DHX40: variants seen among roughly 807,000 people sequenced by gnomAD.
The protein encoded by DHX40 is probable ATP-dependent RNA helicase DHX40.
Under a neutral mutation model 89.6 loss-of-function variants are expected in DHX40, and 28 were observed. The ratio of observed to expected loss-of-function variants is 0.31; its 90% CI spans 0.23 to 0.43. The LOEUF (loss-of-function observed/expected upper bound fraction) is 0.43. Ranked by LOEUF, DHX40 falls within the 20% of genes least tolerant of loss-of-function variation. The probability of loss-of-function intolerance (pLI) is 1.00; values close to 1 mark genes in which losing one functional copy is unlikely to be tolerated. For synonymous variants in DHX40, 226 were observed against 283.6 expected (o/e 0.80, Z 2.04); for missense variants, 457 against 844.0 (o/e 0.54, Z 5.68).
At chr17:59,573,319 C>G in intron 4 of DHX40, 84 bp downstream of exon 4, 1 of 1,169,472 alleles carries the variant, frequency 8.6e-7, no homozygotes, top group Non-Finnish European at 1.2e-6. Context: ...ATTGCCTCCT[C>G]TTACTTTTTA....
chr17:59,570,300 TTATATA>T (rs889411780), intron 2 of DHX40, among the ~76,000 whole-genome samples: 1 of 136,152 alleles, frequency 7.3e-6, no homozygotes, highest in African/African-American at 2.8e-5. Context: ...TATTTATATA[TTATATA>T]TATAATATAT....
At chr17:59,597,870 G>C (rs1238312946) in intron 12 of DHX40, among the ~76,000 whole-genome samples, 8 of 150,238 alleles carry the variant, frequency 5.3e-5, no homozygotes, top group Non-Finnish European at 7.4e-5. Context: ...GGGAGGCGGA[G>C]CTTGCAGTGA....
intron 12 of DHX40, among the ~76,000 whole-genome samples, chr17:59,596,662 A>T (rs551177474): frequency 6.6e-6 from 1 of 152,334 alleles, no homozygotes; most frequent in South Asian, 2.1e-4. Context: ...GGTCATTTGT[A>T]TGTTTGTATG....
At chr17:59,586,028 T>G in intron 10 of DHX40, 125 bp from the exon 11 acceptor site, 1 of 730,630 alleles carries the variant, frequency 1.4e-6, no homozygotes, top group Non-Finnish European at 2.3e-6. Flanking sequence ...TAATTTTTTT[T>G]TAGAAAAAGA....
At chr17:59,596,391 A>AC (rs1047142116) in intron 12 of DHX40, among the ~76,000 whole-genome samples, 2 of 152,178 alleles carry the variant, frequency 1.3e-5, no homozygotes, top group Non-Finnish European at 2.9e-5. Flanking sequence ...ACATGGTGAA[A>AC]CCCCATCTCT....
Position 59,602,582 on chromosome 17 carries a change from C to A in DHX40, c.1867C>A (p.Leu623Ile). The A allele has an allele frequency of 6.2e-7, 1 of 1,613,774 alleles. No individual in the cohort carries two copies. Among genetic ancestry groups the A allele is most frequent in the South Asian group, 1.1e-5 (1 of 91,026 alleles). ...GPKHEVLRRC[L>I]CAGYFKNVAR... ...TAAACATGAAGTACTACGAAGATGT[C>A]TTTGTGCGGGCTATTTCAAAAATGT... The change falls in exon 15 of 18, where the codon CTT becomes ATT. Residue 623 changes from leucine (L) to isoleucine (I), a missense_variant. By Grantham distance (5) the Leu-to-Ile change is conservative. Around this residue, in one of 9 missense-constraint regions of DHX40, gnomAD observed 32 missense variants for 60.0 expected, o/e 0.53. Coordinates refer to ENST00000251241, the MANE Select transcript of DHX40 (RefSeq NM_024612.5).
intron 12 of DHX40, among the ~76,000 whole-genome samples, chr17:59,592,595 T>G (rs1362105421): frequency 6.6e-6 from 1 of 150,596 alleles, no homozygotes; most frequent in Non-Finnish European, 1.5e-5. Flanking sequence ...TTTTTTCTTT[T>G]GAGACAGAGT....
chr17:59,597,814 A>G (rs2143336527), intron 12 of DHX40, among the ~76,000 whole-genome samples: 2 of 151,004 alleles, frequency 1.3e-5, no homozygotes, highest in Middle Eastern at 3.4e-3. Context: ...GGGCGCCTGT[A>G]GTCCCAGCTA....
At chr17:59,570,129 T>A (rs2048776213) in intron 2 of DHX40, among the ~76,000 whole-genome samples, 1 of 129,946 alleles carries the variant, frequency 7.7e-6, no homozygotes, top group African/African-American at 3.0e-5. Flanking sequence ...TGTATATTTA[T>A]ATATAATATA....
intron 12 of DHX40, among the ~76,000 whole-genome samples, chr17:59,590,511 A>G (rs1598163299): frequency 6.6e-6 from 1 of 151,736 alleles, no homozygotes; most frequent in African/African-American, 2.4e-5. Context: ...TGTGTTGCCC[A>G]GGCTGGAATG....
At chr17:59,592,279 A>G (rs1324314256) in intron 12 of DHX40, among the ~76,000 whole-genome samples, 1 of 152,080 alleles carries the variant, frequency 6.6e-6, no homozygotes, top group Non-Finnish European at 1.5e-5. Context: ...AGAATTGGTA[A>G]GTTACAGTAC....
At chr17:59,590,860 T>A (rs1193934072) in intron 12 of DHX40, among the ~76,000 whole-genome samples, 1 of 151,522 alleles carries the variant, frequency 6.6e-6, no homozygotes, top group Non-Finnish European at 1.5e-5. Flanking sequence ...AAATAAGTAA[T>A]GTTAACTGGT....
chr17:59,579,026 A>G (rs1247179134), intron 8 of DHX40, among the ~76,000 whole-genome samples: 2 of 141,186 alleles, frequency 1.4e-5, no homozygotes, highest in Non-Finnish European at 3.0e-5. Context: ...GTGTGTATAT[A>G]TGCGTGTGTA....
At chr17:59,565,989 A>C (rs2048699040) in intron 1 of DHX40, among the ~76,000 whole-genome samples, 1 of 150,066 alleles carries the variant, frequency 6.7e-6, no homozygotes, top group Non-Finnish European at 1.5e-5. Context: ...TTAGGCGAAA[A>C]CCTTACTGGG....
chr17:59,580,887 G>A (rs1033542161), intron 10 of DHX40, among the ~76,000 whole-genome samples: 31 of 151,260 alleles, frequency 2.0e-4, no homozygotes, highest in South Asian at 1.9e-3. Flanking sequence ...TTTGAGACCC[G>A]CCTGGCCATC....
intron 15 of DHX40, 77 bp from the exon 16 acceptor site, chr17:59,605,038 C>T: frequency 8.3e-7 from 1 of 1,207,246 alleles, no homozygotes; most frequent in Non-Finnish European, 1.2e-6. Flanking sequence ...TGTAATTGTT[C>T]ATTGCTGAAT....
At chr17:59,575,657 T>C (rs1399986964) in intron 7 of DHX40, 186 bp downstream of exon 7, 3 of 532,946 alleles carry the variant, frequency 5.6e-6, no homozygotes, top group Non-Finnish European at 1.1e-5. Context: ...ACAGTAGTGA[T>C]TTTTGCCTGA....
At position 59,577,289 on chromosome 17, in the gene DHX40, C is replaced by G. The variant is rs767998768; in HGVS notation, c.997C>G (p.Pro333Ala). ...AGATCAACAGAGGAGGATATTTTTG[C>G]CACCACCACCTGGAATTAGAAAATG... is the stretch of plus-strand genomic sequence containing the variant. ...TTDQQRRIFL[P>A]PPPGIRKCVI... Residue 333 changes from proline (P) to alanine (A), a missense_variant, in exon 8 of 18, where the codon CCA becomes GCA. Pro to Ala is a conservative substitution (Grantham distance 27, BLOSUM62 -1). Coordinates refer to ENST00000251241, the MANE Select transcript of DHX40 (RefSeq NM_024612.5). The G allele has an allele frequency of 1.9e-6, 3 of 1,613,532 alleles. No homozygotes were observed. In the African/African-American group the frequency reaches 4.0e-5, roughly 22 times the overall value.
rs2030916253 is a variant in DHX40, at chr17:59,607,130, G to C, written c.2298G>C (p.Gln766His). The change falls in exon 18 of 18, where the codon CAG (glutamine) becomes CAC (histidine). Residue 766 changes from glutamine (Q) to histidine (H), a missense_variant. Around this residue, in one of 9 missense-constraint regions of DHX40, gnomAD observed 120 missense variants for 161.7 expected, o/e 0.74. Coordinates refer to ENST00000251241, the MANE Select transcript of DHX40 (RefSeq NM_024612.5). ...CTCGTTTCCTTGAGAGAAAGCAGCA[G>C]AGGACCCAGGACCACAGTGACACAC... ...ARARFLERKQ[Q>H]RTQDHSDTRK... 6.2e-7 allele frequency: 1 copy of C among 1,614,092 alleles called. No homozygotes were observed. Among genetic ancestry groups the C allele is most frequent in the South Asian group, 1.1e-5 (1 of 91,082 alleles).
Sources: gnomAD v4.1 joint callset for allele counts (sites outside exome capture counted in the v4.1 genomes callset) on GRCh38, gnomAD v4.1.1 for gene constraint, gnomAD v4.1.1 regional missense constraint, MANE v1.5 for transcripts, NCBI Gene and HGNC (gene_info 2026-07-23, HGNC 2026-07-21) for gene names.